The following ROS1 variants were observed in gnomAD, a reference collection of about 807,000 sequenced individuals.
ROS1 encodes proto-oncogene tyrosine-protein kinase ROS.
A neutral mutation model predicts 273.5 loss-of-function variants in ROS1; 263 were observed. The observed-to-expected ratio is 0.96, with a 90% CI of 0.87 to 1.06. The LOEUF is 1.06. Ranked by LOEUF, ROS1 falls within the 50% of genes least tolerant of loss-of-function variation. ROS1 has a pLI of 0.00. For synonymous variants in ROS1, 1,008 were observed against 954.1 expected (o/e 1.06, Z -1.04); for missense variants, 2,833 against 2,751.1 (o/e 1.03, Z -0.67).
Position 117,362,691 on chromosome 6 carries a change from CAT to C in ROS1, c.3276_3277del (p.Cys1093Ter). The C allele has an allele frequency of 1.9e-6, 3 of 1,613,390 alleles. No homozygotes were observed. Among genetic ancestry groups the C allele is most frequent in the Non-Finnish European group, 2.5e-6 (3 of 1,179,462 alleles). ...GACATTGACAGCAATCCAGTCTTCA[CAT>C]GTTTTGTTTGTAATACTTTGATTGG... On this transcript the variant is annotated frameshift_variant, in exon 22 of 44. Transcript: ENST00000368507. LOFTEE classifies it high-confidence loss of function.
chr6:117,372,782 C>T (rs1213486093), intron 18 of ROS1, among the ~76,000 whole-genome samples: 3 of 152,168 alleles, frequency 2.0e-5, no homozygotes, highest in Non-Finnish European at 4.4e-5. Flanking sequence ...AAAAAGTAAG[C>T]AGCAGCCACA....
chr6:117,326,493 A>G (rs1776655264), intron 33 of ROS1, 79 bp from the exon 34 acceptor site: 1 of 869,126 alleles, frequency 1.2e-6, no homozygotes, highest in Non-Finnish European at 1.7e-6. Context: ...CTTCTTAGTG[A>G]CTGAACGCCA....
Position 117,389,685 on chromosome 6 carries a change from T to C in ROS1, c.1451A>G (p.Gln484Arg). 6.2e-7 allele frequency: 1 copy of C among 1,614,196 alleles called. No individual in the cohort carries two copies. Among genetic ancestry groups the C allele is most frequent in the Non-Finnish European group, 8.5e-7 (1 of 1,180,032 alleles). ...KRIIYFNDTAQVFMSTFLDGS... is the reference protein window; with the variant it reads ...KRIIYFNDTARVFMSTFLDGS... ...ATCCAGAAATGTTGACATGAAGACT[T>C]GGGCAGTGTCATTGAAGTAAATGAT... is the stretch of plus-strand genomic sequence containing the variant. The change falls in exon 13 of 44, where the codon CAA becomes CGA. Residue 484 changes from glutamine to arginine, a missense_variant. Coordinates refer to ENST00000368507, the MANE Select transcript of ROS1 (RefSeq NM_001378902.1).
intron 18 of ROS1, among the ~76,000 whole-genome samples, chr6:117,373,990 A>G (rs2128676055): frequency 6.6e-6 from 1 of 152,376 alleles, no homozygotes; most frequent in Middle Eastern, 3.4e-3. Flanking sequence ...GAAATCATAG[A>G]TGATACAAAC....
At chr6:117,393,748 G>T (rs1053587132) in intron 11 of ROS1, among the ~76,000 whole-genome samples, 3 of 152,012 alleles carry the variant, frequency 2.0e-5, no homozygotes, top group Non-Finnish European at 4.4e-5. Context: ...AACAAAAAAT[G>T]GTCTTCCGAA....
In ROS1 at chr6:117,365,499, T is replaced by C. The variant is rs1780139642; in HGVS notation, c.2958+82A>G. On this transcript the variant is annotated intron_variant, in intron 20 of 43. Transcript: ENST00000368507. ...GAAGATGGGCTTGGCTAAGTCAAGA[T>C]GATACAGGTCAGTGTGGGCAAGGCT... 2.5e-6 allele frequency: 3 copies of C among 1,185,780 alleles called. 1 individual carries two copies. Among genetic ancestry groups the C allele is most frequent in the Non-Finnish European group, 3.7e-6 (3 of 803,686 alleles). 73.5% of individuals were successfully genotyped at this position (1,185,780 alleles called of 1,614,324 possible). A position where few individuals can be genotyped will look rare whatever the true frequency, so the allele number is the denominator to read the frequency against.
Position 117,380,420 on chromosome 6 carries a change from G to T in ROS1, c.2482-1261C>A, listed in dbSNP as rs189345392. 2.4e-3 allele frequency among the ~76,000 whole-genome samples: 370 copies of T among 152,004 alleles called. 2 individuals carry two copies. The highest frequency in any genetic ancestry group is 8.7e-3 in the African/African-American group (360 of 41,506). ...ATTCAACCAACTTATTCTCCAGAAG[G>T]TAAAAATGTATTCTGGCAATTCTCA... On this transcript the variant is annotated intron_variant, in intron 17 of 43. Coordinates refer to ENST00000368507, the MANE Select transcript of ROS1 (RefSeq NM_001378902.1).
rs542174827 is a variant in ROS1, at chr6:117,385,710, A to G, written c.2262T>C (p.Phe754=). ...GALAFEWLGH[F]LYWAGKTYVI... ...CATATGTCTTTCCAGCCCAGTAGAG[A>G]AAGTGACCCAGCCACTCAAAAGCTA... Residue 754 remains phenylalanine, a synonymous_variant, in exon 16 of 44, where the codon TTT becomes TTC. Coordinates refer to ENST00000368507, the MANE Select transcript of ROS1 (RefSeq NM_001378902.1). The G allele has an allele frequency of 6.2e-7, 1 of 1,614,088 alleles. No individual in the cohort carries two copies. The highest frequency in any genetic ancestry group is 2.2e-5 in the East Asian group (1 of 44,878).
chr6:117,299,907 T>C (rs1774552317), intron 43 of ROS1, among the ~76,000 whole-genome samples: 1 of 146,382 alleles, frequency 6.8e-6, no homozygotes, highest in Non-Finnish European at 1.5e-5. Flanking sequence ...AGTAGAATGG[T>C]TCCAGAATAT....
intron 43 of ROS1, among the ~76,000 whole-genome samples, chr6:117,294,104 G>T (rs985638022): frequency 6.6e-6 from 1 of 152,120 alleles, no homozygotes; most frequent in African/African-American, 2.4e-5. Context: ...ACAAGATTTA[G>T]CATTCTTTCA....
chr6:117,393,503 T>G (rs895110609), intron 11 of ROS1, among the ~76,000 whole-genome samples, 182 bp from the exon 12 acceptor site: 1 of 152,174 alleles, frequency 6.6e-6, no homozygotes, highest in African/African-American at 2.4e-5. Context: ...CCTAATGAAT[T>G]TATACATTAT....
Position 117,425,668 on chromosome 6 carries a change from T to C in ROS1, c.-12A>G, listed in dbSNP as rs373574456. On this transcript the variant is annotated 5_prime_UTR_variant, in exon 1 of 44. Transcript: ENST00000368507. ...TAAATGTTCTTCATCACTTCACCAA[T>C]GGCAGATTTTTAGATGGCCGGTCTA... 1.5e-5 allele frequency: 24 copies of C among 1,610,076 alleles called. No homozygotes were observed. The African/African-American group carries it at 2.7e-4, about 18-fold the overall frequency.
At chr6:117,300,362 G>A (rs1189798989) in intron 43 of ROS1, among the ~76,000 whole-genome samples, 2 of 151,616 alleles carry the variant, frequency 1.3e-5, no homozygotes, top group African/African-American at 4.8e-5. Context: ...CAGAAGCAAA[G>A]GATTAGATAT....
chr6:117,418,453 ATTAC>A lies in ROS1; in HGVS notation c.168+5_168+8del, dbSNP rs1281119180. 3.2e-6 allele frequency: 5 copies of A among 1,585,438 alleles called. No individual in the cohort carries two copies. The highest frequency in any genetic ancestry group is 4.3e-6 in the Non-Finnish European group (5 of 1,164,556). ...TGTAATATTCTTGACAACTGAAGAA[ATTAC>A]TTACCGGTTCACTCAGATTATGTGG... On this transcript the variant is annotated splice_donor_5th_base_variant and intron_variant, in intron 2 of 43. Transcript: ENST00000368507.
At chr6:117,379,993 G>A (rs1771984871) in intron 17 of ROS1, among the ~76,000 whole-genome samples, 1 of 152,092 alleles carries the variant, frequency 6.6e-6, no homozygotes, top group African/African-American at 2.4e-5. Context: ...GAGGCCTGAT[G>A]GCACAGAATC....
chr6:117,352,943 G>T, intron 27 of ROS1, 47 bp downstream of exon 27: 5 of 1,556,106 alleles, frequency 3.2e-6, no homozygotes, highest in Non-Finnish European at 4.4e-6. Context: ...AGATTTTTCT[G>T]ACCCTAAATT....
chr6:117,387,235 C>T lies in ROS1; in HGVS notation c.2000-236G>A, dbSNP rs755101849. Among the ~76,000 whole-genome samples the T allele has an allele frequency of 6.6e-5, 10 of 152,132 alleles. 1 individual carries two copies. Among genetic ancestry groups the T allele is most frequent in the Admixed American group, 2.0e-4 (3 of 15,272 alleles). ...TAAATTTTTGAAATGTGAAGAAAAACGCATGGTGAGATTGCCTCTATAACG... is the reference window on the plus strand; with the variant it reads ...TAAATTTTTGAAATGTGAAGAAAAATGCATGGTGAGATTGCCTCTATAACG... On this transcript the variant is annotated intron_variant, in intron 14 of 43. Coordinates refer to ENST00000368507, the MANE Select transcript of ROS1 (RefSeq NM_001378902.1).
chr6:117,304,616 A>G (rs1013333396), intron 42 of ROS1, among the ~76,000 whole-genome samples: 3 of 152,180 alleles, frequency 2.0e-5, no homozygotes, highest in Non-Finnish European at 2.9e-5. Context: ...GAAACATGAA[A>G]CTGAGACATG....
chr6:117,325,380 G>A (rs957085531), intron 34 of ROS1, among the ~76,000 whole-genome samples: 2 of 152,144 alleles, frequency 1.3e-5, no homozygotes, highest in Non-Finnish European at 2.9e-5. Flanking sequence ...CAAAGACTAA[G>A]TGACATAAAA....
Sources: gnomAD v4.1 joint callset for allele counts (sites outside exome capture counted in the v4.1 genomes callset) on GRCh38, gnomAD v4.1.1 for gene constraint, MANE v1.5 for transcripts, NCBI Gene and HGNC (gene_info 2026-07-23, HGNC 2026-07-21) for gene names.